Variants in LMO4 observed in about 807,000 individuals in gnomAD.
LMO4 encodes the protein LIM domain transcription factor LMO4.
LMO4 carries 3 observed loss-of-function variants against 18.5 expected under a neutral mutation model. That is an observed-to-expected ratio of 0.16 (90% CI 0.07 to 0.42). The LOEUF is 0.42. Ranked by LOEUF, LMO4 falls within the 10% of genes least tolerant of loss-of-function variation. LMO4 has a pLI of 0.99. For synonymous variants in LMO4, 100 were observed against 88.1 expected, an observed-to-expected ratio of 1.14 and a Z score of -0.76; for missense variants, 121 against 219.9, an observed-to-expected ratio of 0.55 and a Z score of 2.84.
chr1:87,333,289 T>C (rs1650204652), intron 2 of LMO4, among the ~76,000 whole-genome samples: 1 of 152,142 alleles, frequency 6.6e-6, no homozygotes, highest in Non-Finnish European at 1.5e-5. Context: ...GTGTTCTGTT[T>C]CAACATCCAG....
intron 4 of LMO4, among the ~76,000 whole-genome samples, chr1:87,341,459 A>G (rs1354963320): frequency 6.6e-6 from 1 of 152,214 alleles, no homozygotes; most frequent in Non-Finnish European, 1.5e-5. Context: ...AAAAAAAACA[A>G]CATTTATCTG....
rs1395693455 is a variant in LMO4 at position 87,345,971 on chromosome 1, C to T, written c.*1175C>T. ...ATGTATAAAAAAAAATACGGCACAACCATCCTGTTCTCTTATTGAGTTTAT... is the reference window on the plus strand; with the variant it reads ...ATGTATAAAAAAAAATACGGCACAATCATCCTGTTCTCTTATTGAGTTTAT... On this transcript the variant is annotated 3_prime_UTR_variant, in exon 5 of 5. Coordinates refer to ENST00000370544, the MANE Select transcript of LMO4 (RefSeq NM_006769.4). The T allele has an allele frequency of 6.6e-6, 1 of 152,092 alleles. No individual in the cohort carries two copies. The highest frequency in any genetic ancestry group is 1.5e-5 in the Non-Finnish European group (1 of 68,020). The allele number at this position is 152,092 out of a possible 1,614,324, so 9.4% of individuals were successfully genotyped here.
intron 4 of LMO4, among the ~76,000 whole-genome samples, chr1:87,342,592 T>C (rs183766484): frequency 4.6e-5 from 7 of 152,300 alleles, no homozygotes; most frequent in East Asian, 1.9e-4. Flanking sequence ...ATACAACTTA[T>C]GGAAATGTTC....
intron 4 of LMO4, among the ~76,000 whole-genome samples, chr1:87,343,110 C>T (rs1019635022): frequency 6.6e-6 from 1 of 152,132 alleles, no homozygotes; most frequent in Non-Finnish European, 1.5e-5. Context: ...GTTGATTATT[C>T]GAACATCCCT....
intron 1 of LMO4, among the ~76,000 whole-genome samples, chr1:87,330,283 A>G (rs949892193): frequency 4.6e-5 from 7 of 152,172 alleles, no homozygotes; most frequent in African/African-American, 1.7e-4. Flanking sequence ...CTCTCCTTTT[A>G]AAAAGGAATT....
At chr1:87,342,130 C>G (rs1159045028) in intron 4 of LMO4, among the ~76,000 whole-genome samples, 2 of 152,064 alleles carry the variant, frequency 1.3e-5, no homozygotes, top group East Asian at 3.9e-4. Flanking sequence ...TAGCAAAGTA[C>G]TATACAAAAA....
At chr1:87,340,588 A>C (rs1015459974) in intron 4 of LMO4, among the ~76,000 whole-genome samples, 1 of 152,256 alleles carries the variant, frequency 6.6e-6, no homozygotes, top group Non-Finnish European at 1.5e-5. Flanking sequence ...GGAAAAGAGA[A>C]TAAAGATCTT....
intron 2 of LMO4, among the ~76,000 whole-genome samples, chr1:87,335,500 C>A (rs1650281060): frequency 6.6e-6 from 1 of 151,952 alleles, no homozygotes; most frequent in South Asian, 2.1e-4. Flanking sequence ...GCGGGTCGCG[C>A]TTTCTTTCCC....
intron 2 of LMO4, among the ~76,000 whole-genome samples, chr1:87,334,576 T>C (rs1298202776): frequency 6.6e-6 from 1 of 152,206 alleles, no homozygotes; most frequent in Non-Finnish European, 1.5e-5. Context: ...GGGGACCCCT[T>C]GGTCCGACTG....
At chr1:87,342,633 G>C (rs1650528641) in intron 4 of LMO4, among the ~76,000 whole-genome samples, 1 of 152,104 alleles carries the variant, frequency 6.6e-6, no homozygotes, top group African/African-American at 2.4e-5. Flanking sequence ...GCTGTGTTTT[G>C]GGGGTGCTGT....
chr1:87,336,268 C>T (rs1317028371), intron 2 of LMO4, among the ~76,000 whole-genome samples: 1 of 152,124 alleles, frequency 6.6e-6, no homozygotes, highest in Non-Finnish European at 1.5e-5. Context: ...CTTTTTTCTC[C>T]TCAGATAGGT....
intron 3 of LMO4, among the ~76,000 whole-genome samples, 181 bp downstream of exon 3, chr1:87,339,813 C>G (rs1650421574): frequency 6.6e-6 from 1 of 152,140 alleles, no homozygotes. Context: ...CCACGCTTCC[C>G]CTATGCCACA....
chr1:87,347,085 A>G lies in LMO4; in HGVS notation c.*2289A>G, dbSNP rs1450443900. 6 of 152,188 alleles carry G rather than the reference A, an allele frequency of 3.9e-5. No individual in the cohort carries two copies. Among genetic ancestry groups the G allele is most frequent in the Non-Finnish European group, 8.8e-5 (6 of 68,034 alleles). 9.4% of individuals were successfully genotyped at this position (152,188 alleles called of 1,614,324 possible). ...GGTCATTACGGACTTTAAATAAACT[A>G]TTATATGGCTGGTTCCTCAAGCACT... On this transcript the variant is annotated 3_prime_UTR_variant, in exon 5 of 5. Coordinates refer to ENST00000370544, the MANE Select transcript of LMO4 (RefSeq NM_006769.4).
At chr1:87,339,992 C>T in intron 3 of LMO4, 55 bp from the exon 4 acceptor site, 5 of 1,579,156 alleles carry the variant, frequency 3.2e-6, no homozygotes, top group South Asian at 1.1e-5. Context: ...AACTTGTGAC[C>T]AAAAAAAGAC....
intron 2 of LMO4, among the ~76,000 whole-genome samples, chr1:87,336,771 A>G (rs573375723): frequency 6.6e-6 from 1 of 152,306 alleles, no homozygotes; most frequent in East Asian, 1.9e-4. Context: ...TCACAATTAA[A>G]GACTCCCCTG....
At chr1:87,339,465 G>A (rs1650409454) in intron 2 of LMO4, 71 bp from the exon 3 acceptor site, 1 of 1,048,470 alleles carries the variant, frequency 9.5e-7, no homozygotes, top group South Asian at 1.3e-5. Flanking sequence ...CCCAGAGTCT[G>A]GGGGTGTTTT....
chr1:87,341,587 CTT>C (rs1255548312), intron 4 of LMO4, among the ~76,000 whole-genome samples: 3 of 152,068 alleles, frequency 2.0e-5, no homozygotes, highest in African/African-American at 7.2e-5. Flanking sequence ...TATTTGAAAA[CTT>C]TTAACCATTA....
intron 4 of LMO4, among the ~76,000 whole-genome samples, chr1:87,341,317 A>G (rs1311711240): frequency 6.6e-6 from 1 of 152,140 alleles, no homozygotes; most frequent in Non-Finnish European, 1.5e-5. Flanking sequence ...AGTATGTTTG[A>G]CTTTTTCATC....
chr1:87,337,342 T>C (rs1465449535), intron 2 of LMO4, among the ~76,000 whole-genome samples: 2 of 152,202 alleles, frequency 1.3e-5, no homozygotes, highest in Non-Finnish European at 2.9e-5. Context: ...TAAAATACAC[T>C]TCGATGTTGA....
Sources: gnomAD v4.1 joint callset for allele counts (sites outside exome capture counted in the v4.1 genomes callset) on GRCh38, gnomAD v4.1.1 for gene constraint, MANE v1.5 for transcripts, NCBI Gene and HGNC (gene_info 2026-07-23, HGNC 2026-07-21) for gene names.